Variants in SGCZ observed in about 807,000 individuals in gnomAD.
SGCZ encodes sarcoglycan zeta, also known as zeta-sarcoglycan.
In SGCZ, 40 loss-of-function variants were observed where a neutral mutation model predicts 41.3. That is an observed-to-expected ratio of 0.97 (90% CI 0.75 to 1.26). The LOEUF (loss-of-function observed/expected upper bound fraction) is 1.26. SGCZ is among the 50% of genes most tolerant of loss of function. SGCZ has a pLI of 0.00. For missense variants in SGCZ, 552 were observed against 369.8 expected (o/e 1.49, Z -4.04); for synonymous variants, 206 against 137.5 (o/e 1.50, Z -3.49).
intron 2 of SGCZ, among the ~76,000 whole-genome samples, chr8:14,425,849 A>G (rs1329813329): frequency 6.6e-6 from 1 of 152,146 alleles, no homozygotes; most frequent in African/African-American, 2.4e-5. Context: ...GGACCAAGTA[A>G]TAACAAAACT....
At chr8:14,248,423 A>C (rs886116069) in intron 3 of SGCZ, among the ~76,000 whole-genome samples, 1 of 152,180 alleles carries the variant, frequency 6.6e-6, no homozygotes, top group Non-Finnish European at 1.5e-5. Flanking sequence ...TATATGATAC[A>C]CAGTTCATGT....
intron 2 of SGCZ, among the ~76,000 whole-genome samples, chr8:14,502,987 C>A (rs1268617323): frequency 6.6e-6 from 1 of 152,280 alleles, no homozygotes; most frequent in Middle Eastern, 3.4e-3. Context: ...TATAAAGACA[C>A]ATGCACATGT....
intron 1 of SGCZ, among the ~76,000 whole-genome samples, chr8:14,601,607 A>G (rs910553356): frequency 2.9e-4 from 44 of 152,284 alleles, no homozygotes; most frequent in African/African-American, 1.0e-3. Context: ...GGTAGTTGGT[A>G]TTTGATTGTT....
chr8:14,138,473 A>G (rs1251559448), intron 5 of SGCZ, among the ~76,000 whole-genome samples: 1 of 151,808 alleles, frequency 6.6e-6, no homozygotes, highest in Non-Finnish European at 1.5e-5. Context: ...TAGGCTCAAA[A>G]TAAAGGGATG....
chr8:14,263,317 T>C (rs13256008), intron 3 of SGCZ, among the ~76,000 whole-genome samples: 57,453 of 151,946 alleles, frequency 0.38, 12,401 homozygotes, highest in Non-Finnish European at 0.5. Flanking sequence ...GGGAGGCTGA[T>C]TCAGGCGGAT....
At chr8:14,313,912 G>GTC (rs1801628440) in intron 3 of SGCZ, among the ~76,000 whole-genome samples, 3 of 14,654 alleles carry the variant, frequency 2.0e-4, no homozygotes, top group African/African-American at 5.3e-4. Flanking sequence ...TCATCTCTCT[G>GTC]TGTGTGTGTG....
intron 1 of SGCZ, among the ~76,000 whole-genome samples, chr8:15,209,754 G>A (rs1476502553): frequency 1.5e-5 from 2 of 133,864 alleles, no homozygotes; most frequent in East Asian, 4.3e-4. Context: ...ACAGATACCA[G>A]TAGTTGCCTT....
At chr8:14,785,986 A>G (rs149042975) in intron 1 of SGCZ, among the ~76,000 whole-genome samples, 127 of 139,344 alleles carry the variant, frequency 9.1e-4, no homozygotes, top group African/African-American at 3.8e-3. Context: ...CAATTTGCAG[A>G]TACTATGAAA....
At chr8:15,012,296 C>T (rs1802852115) in intron 1 of SGCZ, among the ~76,000 whole-genome samples, 1 of 151,322 alleles carries the variant, frequency 6.6e-6, no homozygotes, top group African/African-American at 2.4e-5. Context: ...ACCTCCACCT[C>T]TACAGAAAAA....
chr8:14,244,559 T>C (rs1377150596), intron 3 of SGCZ, among the ~76,000 whole-genome samples: 4 of 152,092 alleles, frequency 2.6e-5, no homozygotes, highest in Admixed American at 2.0e-4. Context: ...TGGCTTAGGA[T>C]TGACTTGGCG....
At chr8:14,646,447 C>T (rs1236303720) in intron 1 of SGCZ, among the ~76,000 whole-genome samples, 8 of 151,420 alleles carry the variant, frequency 5.3e-5, no homozygotes, top group Admixed American at 2.0e-4. Flanking sequence ...TTATCCAACC[C>T]ACTGTTGATG....
chr8:14,517,210 A>T (rs1474870904), intron 2 of SGCZ, among the ~76,000 whole-genome samples: 1 of 152,034 alleles, frequency 6.6e-6, no homozygotes, highest in African/African-American at 2.4e-5. Context: ...AAACAAAAAA[A>T]TGCCAAAACT....
chr8:14,190,705 C>A (rs972729672), intron 4 of SGCZ, among the ~76,000 whole-genome samples: 6 of 152,136 alleles, frequency 3.9e-5, no homozygotes, highest in Non-Finnish European at 8.8e-5. Flanking sequence ...CAGGTTCACA[C>A]CATTCTCCTG....
At chr8:14,519,659 A>C (rs1308423881) in intron 2 of SGCZ, among the ~76,000 whole-genome samples, 3 of 152,128 alleles carry the variant, frequency 2.0e-5, no homozygotes, top group African/African-American at 7.2e-5. Context: ...CTTCGTGTAT[A>C]TTTATGTCTT....
chr8:15,056,045 T>C (rs919144359), intron 1 of SGCZ, among the ~76,000 whole-genome samples: 7 of 152,200 alleles, frequency 4.6e-5, no homozygotes, highest in Middle Eastern at 6.3e-3. Context: ...TAAATCTGTT[T>C]AGAAAATGCA....
At chr8:14,346,478 G>C (rs999292314) in intron 2 of SGCZ, among the ~76,000 whole-genome samples, 2 of 151,914 alleles carry the variant, frequency 1.3e-5, no homozygotes, top group Non-Finnish European at 2.9e-5. Context: ...ATGCTAATTA[G>C]GATACTAAGG....
intron 2 of SGCZ, among the ~76,000 whole-genome samples, chr8:14,440,873 G>GCA (rs1183642300): frequency 1.4e-5 from 2 of 146,802 alleles, no homozygotes; most frequent in African/African-American, 5.1e-5. Flanking sequence ...ACACACACAC[G>GCA]CACACACATA....
chr8:14,256,451 C>T (rs1799467528), intron 3 of SGCZ, among the ~76,000 whole-genome samples: 1 of 152,112 alleles, frequency 6.6e-6, no homozygotes, highest in Non-Finnish European at 1.5e-5. Flanking sequence ...AAATATAAAA[C>T]ATTTCAGCTC....
intron 2 of SGCZ, among the ~76,000 whole-genome samples, chr8:14,325,257 G>A (rs1802053416): frequency 6.6e-6 from 1 of 151,830 alleles, no homozygotes; most frequent in African/African-American, 2.4e-5. Context: ...GGAATATGGT[G>A]GAAGAAAAAT....
Sources: allele counts gnomAD v4.1 joint callset (sites outside exome capture counted in the v4.1 genomes callset), GRCh38; gene constraint gnomAD v4.1.1; transcripts MANE v1.5; gene names NCBI Gene and HGNC (gene_info 2026-07-23, HGNC 2026-07-21).